Variants in DAB1 observed in about 807,000 individuals in gnomAD.
The protein encoded by DAB1 is disabled homolog 1.
Under a neutral mutation model 64.6 loss-of-function variants are expected in DAB1, and 15 were observed. That is an observed-to-expected ratio of 0.23 (90% confidence interval 0.16 to 0.36). The LOEUF (loss-of-function observed/expected upper bound fraction) is 0.36, where lower values mean the gene tolerates loss of function less well. DAB1 is among the 10% of genes least tolerant of loss of function. DAB1 has a pLI of 1.00. For synonymous variants in DAB1, 235 were observed against 251.9 expected (o/e 0.93, Z 0.64); for missense variants, 596 against 706.7 (o/e 0.84, Z 1.78).
At chr1:57,937,899 A>G (rs1645050176) in intron 5 of DAB1, among the ~76,000 whole-genome samples, 1 of 152,152 alleles carries the variant, frequency 6.6e-6, no homozygotes. Context: ...CTAGGGCCCT[A>G]GCTGCCGGCA....
At chr1:58,105,544 C>T (rs751540325) in intron 5 of DAB1, among the ~76,000 whole-genome samples, 35 of 152,152 alleles carry the variant, frequency 2.3e-4, no homozygotes, top group Non-Finnish European at 3.2e-4. Context: ...CCCCTACTAT[C>T]GATGCAAACA....
At chr1:57,148,711 G>A (rs1246961433) in intron 2 of DAB1, among the ~76,000 whole-genome samples, 1 of 152,186 alleles carries the variant, frequency 6.6e-6, no homozygotes, top group Non-Finnish European at 1.5e-5. Flanking sequence ...TGTGCCAAGG[G>A]TTTCACACGC....
chr1:58,297,435 G>A (rs576031959), intron 4 of DAB1, among the ~76,000 whole-genome samples: 110 of 152,208 alleles, frequency 7.2e-4, no homozygotes, highest in Non-Finnish European at 1.3e-3. Context: ...TGAAGGCAAC[G>A]ACTAGGTCTC....
chr1:58,041,182 C>T (rs914709338), intron 5 of DAB1, among the ~76,000 whole-genome samples: 3 of 152,190 alleles, frequency 2.0e-5, no homozygotes, highest in African/African-American at 7.2e-5. Context: ...ATTGAGCAGA[C>T]CCAGGAACCC....
chr1:58,189,551 C>T (rs1657271802), intron 4 of DAB1, among the ~76,000 whole-genome samples: 1 of 152,212 alleles, frequency 6.6e-6, no homozygotes, highest in African/African-American at 2.4e-5. Context: ...TTAGCTTTTC[C>T]TGGCCCTCTG....
intron 14 of DAB1, among the ~76,000 whole-genome samples, chr1:56,998,788 G>T (rs1003278245): frequency 6.6e-6 from 1 of 151,938 alleles, no homozygotes; most frequent in African/African-American, 2.4e-5. Context: ...TCATTTGCCT[G>T]CACCCAGGGG....
At chr1:58,301,713 G>C (rs1179753290) in intron 4 of DAB1, among the ~76,000 whole-genome samples, 2 of 152,014 alleles carry the variant, frequency 1.3e-5, no homozygotes, top group Admixed American at 6.6e-5. Context: ...GGCCCGGAGG[G>C]ATTACTATTC....
chr1:58,080,899 T>C (rs977545824), intron 5 of DAB1, among the ~76,000 whole-genome samples: 10 of 152,320 alleles, frequency 6.6e-5, no homozygotes, highest in Admixed American at 4.6e-4. Flanking sequence ...GGATTCCCAT[T>C]ATCTGCAGTC....
chr1:57,280,654 A>G (rs1352540417), intron 2 of DAB1, among the ~76,000 whole-genome samples: 1 of 152,198 alleles, frequency 6.6e-6, no homozygotes, highest in Non-Finnish European at 1.5e-5. Context: ...TAATATGGCA[A>G]ATCTTATAGC....
chr1:57,641,529 G>A (rs1029362712), intron 7 of DAB1, among the ~76,000 whole-genome samples: 12 of 151,166 alleles, frequency 7.9e-5, no homozygotes, highest in African/African-American at 2.4e-4. Flanking sequence ...GACTACAGAC[G>A]CCCGCCACTA....
chr1:57,634,584 T>G (rs1304341204), intron 7 of DAB1, among the ~76,000 whole-genome samples: 3 of 152,200 alleles, frequency 2.0e-5, no homozygotes, highest in Non-Finnish European at 4.4e-5. Flanking sequence ...AATATCTACC[T>G]TACCCTCTTC....
At chr1:57,562,570 G>C (rs1311373763) in intron 7 of DAB1, among the ~76,000 whole-genome samples, 1 of 152,200 alleles carries the variant, frequency 6.6e-6, no homozygotes, top group Non-Finnish European at 1.5e-5. Flanking sequence ...AGAAGGCCAT[G>C]TATGCTCTGA....
At chr1:57,273,726 C>T (rs1038823519) in intron 2 of DAB1, among the ~76,000 whole-genome samples, 1 of 149,780 alleles carries the variant, frequency 6.7e-6, no homozygotes, top group Non-Finnish European at 1.5e-5. Flanking sequence ...CCCTATTTTT[C>T]CTCACTGACA....
At chr1:57,654,801 TAAACAC>T (rs1381480160) in intron 6 of DAB1, among the ~76,000 whole-genome samples, 1 of 152,332 alleles carries the variant, frequency 6.6e-6, no homozygotes, top group East Asian at 1.9e-4. Context: ...TGCTCAGTAT[TAAACAC>T]TTAATTTCCC....
chr1:57,801,481 G>T (rs11804137), intron 6 of DAB1, among the ~76,000 whole-genome samples: 9,998 of 152,128 alleles, frequency 0.066, 1,151 homozygotes, highest in African/African-American at 0.23. Flanking sequence ...AAATATAGAA[G>T]ACTTATCTTT....
At chr1:57,431,143 C>CAAAAAAAAAAAAAAGAAAAAAAAA (rs1685495008) in intron 7 of DAB1, among the ~76,000 whole-genome samples, 1 of 96,408 alleles carries the variant, frequency 1.0e-5, no homozygotes, top group Non-Finnish European at 2.2e-5. Context: ...AGGCCAAAAA[C>CAAAAAAAAAAAAAAGAAAAAAAAA]AAAAAAAAAA....
Position 57,014,994 on chromosome 1 carries a change from T to G in DAB1, c.1333A>C (p.Ser445Arg), listed in dbSNP as rs767856429. 4 of 1,614,132 alleles carry G rather than the reference T, an allele frequency of 2.5e-6. No homozygotes were observed. Among genetic ancestry groups the G allele is most frequent in the Non-Finnish European group, 3.4e-6 (4 of 1,180,020 alleles). The change falls in exon 12 of 15, where the codon AGT becomes CGT. Residue 445 changes from serine to arginine, a missense_variant. Physicochemically the swap from Ser to Arg is moderately radical, Grantham distance 110 (BLOSUM62 -1). Transcript: ENST00000371236. ...GCCACCCCGACTTTGTTGAAGTAAC[T>G]GGAGAAGGCCTCTGAGGTACAGGTG... ...SLTCTSEAFS[S>R]YFNKVGVAQD...
At chr1:57,481,898 C>A (rs1161192497) in intron 7 of DAB1, among the ~76,000 whole-genome samples, 5 of 151,612 alleles carry the variant, frequency 3.3e-5, no homozygotes, top group African/African-American at 9.7e-5. Flanking sequence ...TAATCTAAAT[C>A]ATTTCCTAAG....
chr1:58,313,064 C>T (rs1662466639), intron 4 of DAB1, among the ~76,000 whole-genome samples: 1 of 152,082 alleles, frequency 6.6e-6, no homozygotes, highest in African/African-American at 2.4e-5. Context: ...TTACTACCTC[C>T]AAGTCATGAC....
Sources: gnomAD v4.1 joint callset for allele counts (sites outside exome capture counted in the v4.1 genomes callset) on GRCh38, gnomAD v4.1.1 for gene constraint, MANE v1.5 for transcripts, NCBI Gene and HGNC (gene_info 2026-07-23, HGNC 2026-07-21) for gene names.